SP3: variants seen among roughly 807,000 people sequenced by gnomAD.
The protein encoded by SP3 is Sp3 transcription factor, also known as transcription factor Sp3.
In SP3, 10 loss-of-function variants were observed where a neutral mutation model predicts 70.3. The observed-to-expected ratio is 0.14, with a 90% CI of 0.09 to 0.24. The LOEUF is 0.24. Among genes scored for constraint, SP3 ranks in the 10% least tolerant of loss-of-function variants. SP3 has a pLI of 1.00. For synonymous variants in SP3, 402 were observed against 333.5 expected (o/e 1.21, Z -2.24); for missense variants, 825 against 914.6 (o/e 0.90, Z 1.26).
chr2:173,917,737 T>C (rs1276390580), intron 5 of SP3, among the ~76,000 whole-genome samples: 1 of 152,052 alleles, frequency 6.6e-6, no homozygotes, highest in Admixed American at 6.6e-5. Flanking sequence ...TCTATATATT[T>C]CAAAGCTGCA....
chr2:173,901,201 TAGAA>T lies in SP3; in HGVS notation c.*8736_*8739del, dbSNP rs908725966. 6.6e-6 allele frequency among the ~76,000 whole-genome samples: 1 copy of T among 150,406 alleles called. No homozygotes were observed. The highest frequency in any genetic ancestry group is 2.0e-4 in the East Asian group (1 of 5,120). On this transcript the variant is annotated 3_prime_UTR_variant, in exon 7 of 7. Coordinates refer to ENST00000310015, the MANE Select transcript of SP3 (RefSeq NM_003111.5). ...TTTCAAAGTGAATTAACAAGATAAA[TAGAA>T]AGGCAAAATCATAAAATTTTTAGAC...
intron 4 of SP3, among the ~76,000 whole-genome samples, chr2:173,947,471 G>A (rs1690579311): frequency 6.6e-6 from 1 of 152,022 alleles, no homozygotes; most frequent in Non-Finnish European, 1.5e-5. Context: ...ACACTGACAT[G>A]CCTTGAATAG....
intron 4 of SP3, among the ~76,000 whole-genome samples, chr2:173,950,057 C>CTA (rs2105492406): frequency 6.6e-6 from 1 of 152,004 alleles, no homozygotes; most frequent in Admixed American, 6.6e-5. Context: ...ATGAAGTTTC[C>CTA]TAAAACAGCA....
At chr2:173,943,114 T>G (rs1293219373) in intron 4 of SP3, among the ~76,000 whole-genome samples, 1 of 152,156 alleles carries the variant, frequency 6.6e-6, no homozygotes, top group African/African-American at 2.4e-5. Flanking sequence ...TCCATCAGCC[T>G]TATGCTTACT....
intron 4 of SP3, among the ~76,000 whole-genome samples, chr2:173,943,087 A>T (rs1690424564): frequency 6.6e-6 from 1 of 152,064 alleles, no homozygotes; most frequent in Non-Finnish European, 1.5e-5. Flanking sequence ...ATGGATACTG[A>T]GGAATGACTC....
intron 5 of SP3, among the ~76,000 whole-genome samples, chr2:173,918,230 C>T (rs1689659606): frequency 6.6e-6 from 1 of 151,990 alleles, no homozygotes; most frequent in South Asian, 2.1e-4. Context: ...ATCAGCCATT[C>T]CTGAACTTAA....
Position 173,965,333 on chromosome 2 carries a change from A to T in SP3, c.-162T>A. 1 of 804,016 alleles carries T rather than the reference A, an allele frequency of 1.2e-6. No homozygotes were observed. Among genetic ancestry groups the T allele is most frequent in the Non-Finnish European group, 2.0e-6 (1 of 504,428 alleles). 49.8% of individuals were successfully genotyped at this position (804,016 alleles called of 1,614,324 possible). A position where few individuals can be genotyped will look rare whatever the true frequency, so the allele number is the denominator to read the frequency against. Reference sequence around the variant, plus strand: ...TTTGATTGACTGTGCGGGAAACACAAAAGGTGGAGCCTCCAGCCCAAAAGG... The same window carrying T: ...TTTGATTGACTGTGCGGGAAACACATAAGGTGGAGCCTCCAGCCCAAAAGG... On this transcript the variant is annotated 5_prime_UTR_variant, in exon 1 of 7. The change creates a new upstream start codon in the 5' untranslated region. Coordinates refer to ENST00000310015, the MANE Select transcript of SP3 (RefSeq NM_003111.5).
In SP3 at chr2:173,905,984, C is replaced by T. The variant is rs1689305513; in HGVS notation, c.*3957G>A. ...CACTGCACTGTGTGACAGAGACAGACCCTGTCAAATATAGGGAAAAAACAA... is the reference window on the plus strand; with the variant it reads ...CACTGCACTGTGTGACAGAGACAGATCCTGTCAAATATAGGGAAAAAACAA... On this transcript the variant is annotated 3_prime_UTR_variant, in exon 7 of 7. Coordinates refer to ENST00000310015, the MANE Select transcript of SP3 (RefSeq NM_003111.5). Among the ~76,000 whole-genome samples the T allele has an allele frequency of 6.6e-6, 1 of 152,114 alleles. No homozygotes were observed.
chr2:173,935,939 T>C lies in SP3; in HGVS notation c.1640-17154A>G, dbSNP rs187425814. On this transcript the variant is annotated intron_variant, in intron 4 of 6. Coordinates refer to ENST00000310015, the MANE Select transcript of SP3 (RefSeq NM_003111.5). ...TCCTGATAGCTAATCACCAATCCTA[T>C]AAAATTCATACTTTGAAATGTCTGG... 1.6e-4 allele frequency among the ~76,000 whole-genome samples: 24 copies of C among 151,494 alleles called. No homozygotes were observed. The East Asian group carries it at 4.6e-3, about 29-fold the overall frequency.
In SP3 at chr2:173,903,451, A is replaced by C. The variant is rs746086035; in HGVS notation, c.*6490T>G. Among the ~76,000 whole-genome samples, 2 of 152,228 alleles carry C rather than the reference A, an allele frequency of 1.3e-5. No individual in the cohort carries two copies. The highest frequency in any genetic ancestry group is 1.5e-5 in the Non-Finnish European group (1 of 68,044). ...ACTTAATCACTATATTATGCTATGAAAGGTTTCAACTTTACTAAATGAATA... is the reference window on the plus strand; with the variant it reads ...ACTTAATCACTATATTATGCTATGACAGGTTTCAACTTTACTAAATGAATA... On this transcript the variant is annotated 3_prime_UTR_variant, in exon 7 of 7. Coordinates refer to ENST00000310015, the MANE Select transcript of SP3 (RefSeq NM_003111.5).
At position 173,955,695 on chromosome 2, in the gene SP3, C is replaced by T. The variant is rs1332904804; in HGVS notation, c.817G>A (p.Asp273Asn). 4.3e-6 allele frequency: 7 copies of T among 1,614,046 alleles called. No homozygotes were observed. The highest frequency in any genetic ancestry group is 2.2e-5 in the South Asian group (2 of 91,096). ...NITFVPINSV[D>N]LDSLGLSGSS... is the part of the protein sequence containing the mutation. ...CCCGAGAGTCCCAAAGAATCTAGAT[C>T]GACACTATTGATTGGTACAAACGTA... Residue 273 changes from aspartate (D) to asparagine (N), a missense_variant, in exon 4 of 7, where the codon GAT becomes AAT. Asp to Asn is a conservative substitution (Grantham distance 23). Coordinates refer to ENST00000310015, the MANE Select transcript of SP3 (RefSeq NM_003111.5).
intron 4 of SP3, among the ~76,000 whole-genome samples, chr2:173,951,227 GT>G (rs1690704463): frequency 6.6e-6 from 1 of 152,058 alleles, no homozygotes; most frequent in Admixed American, 6.6e-5. Flanking sequence ...TTAAAAACTA[GT>G]TTCTAAAAAC....
intron 4 of SP3, among the ~76,000 whole-genome samples, chr2:173,921,256 A>T (rs1452110014): frequency 1.3e-5 from 2 of 152,234 alleles, no homozygotes; most frequent in African/African-American, 2.4e-5. Flanking sequence ...TTATACAAAT[A>T]ATAAAATGAG....
intron 4 of SP3, among the ~76,000 whole-genome samples, chr2:173,935,089 G>T (rs895628291): frequency 6.6e-6 from 1 of 152,018 alleles, no homozygotes; most frequent in African/African-American, 2.4e-5. Flanking sequence ...TTTTAAAGTC[G>T]ATGTTCTAGG....
rs763236725 is a variant in SP3 at position 173,954,993 on chromosome 2, T to C, written c.1519A>G (p.Thr507Ala). 2 of 1,614,158 alleles carry C rather than the reference T, an allele frequency of 1.2e-6. No individual in the cohort carries two copies. Among genetic ancestry groups the C allele is most frequent in the East Asian group, 2.2e-5 (1 of 44,886 alleles). The change falls in exon 4 of 7, where the codon ACT becomes GCT. Residue 507 changes from threonine (T) to alanine (A), a missense_variant. By Grantham distance (58) the Thr-to-Ala change is moderately conservative. Around this residue, in one of 4 missense-constraint regions of SP3, gnomAD observed 678 missense variants for 651.6 expected, o/e 1.04. Coordinates refer to ENST00000310015, the MANE Select transcript of SP3 (RefSeq NM_003111.5). ...LGQVAAGGAF[T>A]STPVSLSTGQ... ...GTGCTTAGACTAACTGGAGTTGAAGTGAAGGCTCCACCTGCCGCAACTTGA... is the reference window on the plus strand; with the variant it reads ...GTGCTTAGACTAACTGGAGTTGAAGCGAAGGCTCCACCTGCCGCAACTTGA...
intron 4 of SP3, among the ~76,000 whole-genome samples, chr2:173,934,509 A>G (rs952049061): frequency 1.3e-5 from 2 of 152,170 alleles, no homozygotes; most frequent in Non-Finnish European, 2.9e-5. Flanking sequence ...AAAACTAAAG[A>G]TATTTTCACC....
At chr2:173,933,226 C>T (rs772050746) in intron 4 of SP3, among the ~76,000 whole-genome samples, 3 of 133,494 alleles carry the variant, frequency 2.2e-5, no homozygotes, top group African/African-American at 8.0e-5. Context: ...ATCAATAATA[C>T]AAATTATTCA....
chr2:173,922,288 A>AC (rs1689777761), intron 4 of SP3, among the ~76,000 whole-genome samples: 1 of 150,138 alleles, frequency 6.7e-6, no homozygotes, highest in African/African-American at 2.5e-5. Context: ...AACACTCCCA[A>AC]GGTTTTTTTT....
At position 173,903,724 on chromosome 2, in the gene SP3, A is replaced by T. The variant is rs990960903; in HGVS notation, c.*6217T>A. On this transcript the variant is annotated 3_prime_UTR_variant, in exon 7 of 7. Transcript: ENST00000310015. ...TATTCCACAAGACCAACCACAGATAAAGATACAGCCATCTGTTAAGAGGGC... is the reference window on the plus strand; with the variant it reads ...TATTCCACAAGACCAACCACAGATATAGATACAGCCATCTGTTAAGAGGGC... 6.6e-6 allele frequency among the ~76,000 whole-genome samples: 1 copy of T among 152,170 alleles called. No individual in the cohort carries two copies. Among genetic ancestry groups the T allele is most frequent in the Non-Finnish European group, 1.5e-5 (1 of 68,022 alleles).
Sources: allele counts gnomAD v4.1 joint callset (sites outside exome capture counted in the v4.1 genomes callset), GRCh38; gene constraint gnomAD v4.1.1; regional missense constraint gnomAD v4.1.1; transcripts MANE v1.5; gene names NCBI Gene and HGNC (gene_info 2026-07-23, HGNC 2026-07-21).